Variants in CEP120 observed in about 807,000 individuals in gnomAD.
The protein encoded by CEP120 is centrosomal protein 120.
Under a neutral mutation model 126.5 loss-of-function variants are expected in CEP120, and 113 were observed. That is an observed-to-expected ratio of 0.89 (90% CI 0.77 to 1.04). The LOEUF is 1.04. Ranked by LOEUF, CEP120 falls within the 50% of genes least tolerant of loss-of-function variation. The pLI is 0.00. For missense variants in CEP120, 1,230 were observed against 1,155.7 expected (o/e 1.06, Z -0.93); for synonymous variants, 400 against 394.3 (o/e 1.01, Z -0.17).
intron 6 of CEP120, among the ~76,000 whole-genome samples, chr5:123,391,985 A>T (rs560591795): frequency 1.3e-5 from 2 of 152,234 alleles, no homozygotes; most frequent in Non-Finnish European, 2.9e-5. Flanking sequence ...ACTCTTCCAG[A>T]TAAATGTTAT....
intron 18 of CEP120, among the ~76,000 whole-genome samples, chr5:123,355,027 C>A (rs191284351): frequency 0.027 from 3,968 of 149,726 alleles, 179 homozygotes; most frequent in African/African-American, 0.091. Flanking sequence ...TGAGTGAGAA[C>A]ATGCGGTGTT....
At chr5:123,374,237 C>A (rs1771051860) in intron 16 of CEP120, among the ~76,000 whole-genome samples, 1 of 152,006 alleles carries the variant, frequency 6.6e-6, no homozygotes, top group Non-Finnish European at 1.5e-5. Flanking sequence ...ACAACAACAA[C>A]AAAAACTGAA....
At chr5:123,393,027 A>AT (rs1003775573) in intron 6 of CEP120, among the ~76,000 whole-genome samples, 2 of 151,860 alleles carry the variant, frequency 1.3e-5, no homozygotes, top group South Asian at 2.1e-4. Context: ...TCCAGGTATA[A>AT]TTTTTTTTAT....
chr5:123,393,094 T>C (rs898464061), intron 6 of CEP120, among the ~76,000 whole-genome samples: 10 of 152,138 alleles, frequency 6.6e-5, no homozygotes. Context: ...AAAGAGGTAT[T>C]ATCTCATAAA....
chr5:123,365,260 A>C (rs1342608998), intron 17 of CEP120, among the ~76,000 whole-genome samples: 3 of 151,748 alleles, frequency 2.0e-5, no homozygotes, highest in Non-Finnish European at 3.0e-5. Flanking sequence ...TTCAATTAAA[A>C]AATATGATTA....
At chr5:123,382,964 G>A (rs770958496) in intron 12 of CEP120, 22 bp downstream of exon 12, 4 of 1,594,824 alleles carry the variant, frequency 2.5e-6, no homozygotes, top group Non-Finnish European at 3.4e-6. Context: ...AAAAAAATTT[G>A]ATAACATTCA....
rs181791878 is a variant in CEP120 at position 123,390,273 on chromosome 5, G to A, written c.1039-133C>T. On this transcript the variant is annotated intron_variant, in intron 7 of 19. Transcript: ENST00000306467. The stretch of plus-strand genomic sequence containing the variant: ...GGATATTCCTAGTCTATTTTTCTTC[G>A]TAATTTGCAAATTTCCTTATAGCAT... 2.7e-5 allele frequency: 21 copies of A among 771,202 alleles called. No individual in the cohort carries two copies. The East Asian group carries it at 3.5e-4, about 13-fold the overall frequency. 47.8% of individuals were successfully genotyped at this position (771,202 alleles called of 1,614,324 possible).
chr5:123,352,531 C>T (rs924466004), intron 18 of CEP120, among the ~76,000 whole-genome samples: 2 of 151,964 alleles, frequency 1.3e-5, no homozygotes, highest in Non-Finnish European at 2.9e-5. Context: ...GTTTTTGTTT[C>T]TGGATGCTCT....
intron 4 of CEP120, chr5:123,400,992 C>T: frequency 1.3e-6 from 2 of 1,551,570 alleles, no homozygotes; most frequent in South Asian, 2.3e-5. Context: ...AACCACGGCC[C>T]TGGAGTAGCT....
At chr5:123,388,833 C>A (rs1293819590) in intron 8 of CEP120, among the ~76,000 whole-genome samples, 1 of 152,128 alleles carries the variant, frequency 6.6e-6, no homozygotes, top group African/African-American at 2.4e-5. Context: ...AGCTTACTCT[C>A]AATACATATA....
intron 14 of CEP120, among the ~76,000 whole-genome samples, chr5:123,380,627 G>A (rs1207506651): frequency 6.6e-6 from 1 of 152,042 alleles, no homozygotes; most frequent in African/African-American, 2.4e-5. Flanking sequence ...ATTTGTCACG[G>A]TTCTAGTAAT....
At chr5:123,394,368 T>C (rs1772617823) in intron 5 of CEP120, among the ~76,000 whole-genome samples, 1 of 152,166 alleles carries the variant, frequency 6.6e-6, no homozygotes, top group African/African-American at 2.4e-5. Context: ...CTCAGATCAT[T>C]AGGCATTGGA....
chr5:123,408,872 T>G (rs1422288491), intron 4 of CEP120, among the ~76,000 whole-genome samples: 1 of 152,000 alleles, frequency 6.6e-6, no homozygotes, highest in African/African-American at 2.4e-5. Context: ...AATGCAAATA[T>G]CTTCAACAAA....
chr5:123,384,235 G>A (rs1255254375), intron 11 of CEP120, among the ~76,000 whole-genome samples: 1 of 152,070 alleles, frequency 6.6e-6, no homozygotes, highest in Admixed American at 6.6e-5. Flanking sequence ...CATGAATGGT[G>A]AGGAATAAGG....
intron 18 of CEP120, among the ~76,000 whole-genome samples, chr5:123,358,625 T>C (rs773042489): frequency 1.3e-5 from 2 of 152,108 alleles, no homozygotes; most frequent in African/African-American, 4.8e-5. Flanking sequence ...AATTTTAACA[T>C]TTTCTAAAAC....
At chr5:123,352,229 C>T (rs953042982) in intron 18 of CEP120, among the ~76,000 whole-genome samples, 15 of 152,014 alleles carry the variant, frequency 9.9e-5, no homozygotes, top group Admixed American at 3.3e-4. Flanking sequence ...CAGTAGTCTT[C>T]GGCCTGTCTT....
chr5:123,361,901 A>G (rs995211862), intron 18 of CEP120, among the ~76,000 whole-genome samples: 9 of 151,858 alleles, frequency 5.9e-5, no homozygotes, highest in Non-Finnish European at 1.2e-4. Context: ...GTTCAAATGA[A>G]GAAACTAATC....
Position 123,390,131 on chromosome 5 carries a change from C to A in CEP120, c.1048G>T (p.Glu350Ter). 1 of 1,593,646 alleles carries A rather than the reference C, an allele frequency of 6.3e-7. No homozygotes were observed. The highest frequency in any genetic ancestry group is 8.6e-7 in the Non-Finnish European group (1 of 1,168,072). ...TCATGTTCATTCTGGGTCTTTAATT[C>A]AATTAAAGACTAAAAACAATTTTTA... ...REGIDSQSLIELKTQNEHEPE... is the reference protein window; with the variant it reads ...REGIDSQSLI The change falls in exon 8 of 20, where the codon GAA becomes TAA. Residue 350 changes from glutamate to a stop codon, truncating the protein, a stop_gained. Transcript: ENST00000306467. LOFTEE classifies it high-confidence loss of function.
chr5:123,411,854 C>T (rs1037813079), intron 4 of CEP120, among the ~76,000 whole-genome samples: 1 of 152,158 alleles, frequency 6.6e-6, no homozygotes, highest in Non-Finnish European at 1.5e-5. Context: ...TTGGGTGACA[C>T]TGATATGAAT....
Sources: gnomAD v4.1 joint callset for allele counts (sites outside exome capture counted in the v4.1 genomes callset) on GRCh38, gnomAD v4.1.1 for gene constraint, MANE v1.5 for transcripts, NCBI Gene and HGNC (gene_info 2026-07-23, HGNC 2026-07-21) for gene names.